The following FMN2 variants were observed in gnomAD, a reference collection of about 807,000 sequenced individuals.
FMN2 encodes the protein formin 2.
Under a neutral mutation model 142.3 loss-of-function variants are expected in FMN2, and 51 were observed. The ratio of observed to expected loss-of-function variants is 0.36; its 90% CI spans 0.29 to 0.45. The LOEUF (loss-of-function observed/expected upper bound fraction) is 0.45, where lower values mean the gene tolerates loss of function less well. Among genes scored for constraint, FMN2 ranks in the 20% least tolerant of loss-of-function variants. The probability of loss-of-function intolerance (pLI) is 1.00; values close to 1 mark genes in which losing one functional copy is unlikely to be tolerated. For missense variants in FMN2, 1,936 were observed against 2,122.8 expected (o/e 0.91, Z 1.73); for synonymous variants, 882 against 869.8 (o/e 1.01, Z -0.25).
chr1:240,138,036 G>T lies in FMN2; in HGVS notation c.1782+14691G>T, dbSNP rs571378503. On this transcript the variant is annotated intron_variant, in intron 2 of 17. Transcript: ENST00000319653. Reference sequence around the variant, plus strand: ...GCTGAGATCACACCACTGCACTCCAGCCTGGGTGATAGAGCAAGACTCCAT... The same window carrying T: ...GCTGAGATCACACCACTGCACTCCATCCTGGGTGATAGAGCAAGACTCCAT... 3.2e-3 allele frequency among the ~76,000 whole-genome samples: 455 copies of T among 144,112 alleles called. 3 individuals carry two copies. The highest frequency in any genetic ancestry group is 0.012 in the African/African-American group (443 of 38,154). The allele number at this position is 144,112 out of a possible 152,430, so 94.5% of individuals were successfully genotyped here. A position where few individuals can be genotyped will look rare whatever the true frequency, so the allele number is the denominator to read the frequency against.
At chr1:240,212,227 T>C (rs1666717385) in intron 6 of FMN2, among the ~76,000 whole-genome samples, 2 of 152,192 alleles carry the variant, frequency 1.3e-5, no homozygotes. Flanking sequence ...TTTCCATTGA[T>C]ATTTATTTCA....
chr1:240,216,593 G>A (rs1364709795), intron 6 of FMN2, among the ~76,000 whole-genome samples: 1 of 152,106 alleles, frequency 6.6e-6, no homozygotes, highest in Non-Finnish European at 1.5e-5. Flanking sequence ...CTTATTATAA[G>A]GGCAGGTAAT....
chr1:240,241,080 T>A (rs180981159), intron 6 of FMN2, among the ~76,000 whole-genome samples: 1 of 152,306 alleles, frequency 6.6e-6, no homozygotes, highest in African/African-American at 2.4e-5. Context: ...AGCATTATAG[T>A]GCATGTTACT....
intron 13 of FMN2, among the ~76,000 whole-genome samples, chr1:240,349,352 T>TGA (rs1672017131): frequency 1.3e-5 from 2 of 152,234 alleles, no homozygotes; most frequent in East Asian, 3.9e-4. Context: ...GTATCTGTTA[T>TGA]GTGACTTCCT....
chr1:240,468,481 C>G (rs528881867), intron 16 of FMN2, among the ~76,000 whole-genome samples: 1 of 152,284 alleles, frequency 6.6e-6, no homozygotes, highest in East Asian at 1.9e-4. Context: ...CTCTGGTTTC[C>G]TCTCTCAGGA....
Position 240,114,028 on chromosome 1 carries a change from A to C in FMN2, c.1616-9151A>C, listed in dbSNP as rs190644951. The stretch of plus-strand genomic sequence containing the variant: ...GTGAAAGTGGAATATACACACTCAG[A>C]GAATTACAATGAATTCCCATGAATC... On this transcript the variant is annotated intron_variant, in intron 1 of 17. Coordinates refer to ENST00000319653, the MANE Select transcript of FMN2 (RefSeq NM_020066.5). 3.3e-3 allele frequency among the ~76,000 whole-genome samples: 498 copies of C among 152,344 alleles called. 2 individuals carry two copies. Among genetic ancestry groups the C allele is most frequent in the African/African-American group, 0.011 (478 of 41,584 alleles).
chr1:240,435,610 C>T (rs911018108), intron 15 of FMN2, among the ~76,000 whole-genome samples: 1 of 152,026 alleles, frequency 6.6e-6, no homozygotes, highest in Non-Finnish European at 1.5e-5. Flanking sequence ...TTCATTTTTA[C>T]CCATTGGACT....
chr1:240,156,262 C>T lies in FMN2; in HGVS notation c.1783-21659C>T, dbSNP rs148928390. Among the ~76,000 whole-genome samples the T allele has an allele frequency of 2.4e-3, 367 of 152,168 alleles. 1 individual carries two copies. The highest frequency in any genetic ancestry group is 6.8e-3 in the Middle Eastern group (2 of 294). ...AAGACCCTGTCAACAACAACAACAG[C>T]AAGAAGTATGTCATTGAAAACAGCC... On this transcript the variant is annotated intron_variant, in intron 2 of 17. Coordinates refer to ENST00000319653, the MANE Select transcript of FMN2 (RefSeq NM_020066.5).
At chr1:240,399,700 C>T (rs1050299059) in intron 15 of FMN2, among the ~76,000 whole-genome samples, 3 of 152,198 alleles carry the variant, frequency 2.0e-5, no homozygotes, top group African/African-American at 7.2e-5. Context: ...CCTTTCTCAA[C>T]ACTTCCTTAC....
Position 240,316,698 on chromosome 1 carries a change from G to A in FMN2, c.4216-12378G>A, listed in dbSNP as rs75831692. Among the ~76,000 whole-genome samples the A allele has an allele frequency of 3.6e-3, 555 of 152,238 alleles. 3 individuals are homozygous for A. The highest frequency in any genetic ancestry group is 0.013 in the African/African-American group (529 of 41,540). ...GATGAACAGATTTGGGGACAAAATA[G>A]AACGGATGATCAATGGCTCATTTTG... On this transcript the variant is annotated intron_variant, in intron 8 of 17. Coordinates refer to ENST00000319653, the MANE Select transcript of FMN2 (RefSeq NM_020066.5).
At chr1:240,235,416 G>GT (rs5782128) in intron 6 of FMN2, among the ~76,000 whole-genome samples, 40,460 of 147,084 alleles carry the variant, frequency 0.28, 5,786 homozygotes, top group African/African-American at 0.36. Flanking sequence ...TTAATTTTTT[G>GT]TTTTTTTTTT....
Position 240,093,665 on chromosome 1 carries a change from T to A in FMN2, c.1556T>A (p.Leu519Gln). The stretch of plus-strand genomic sequence containing the variant: ...AGCGGCGGTGGGGTGTCCCCAGCAC[T>A]GGCCGCCAAGGCGTCTGGGGCCCCC... Reference protein sequence around the residue: ...SDSGGGVSPALAAKASGAPAA... With the variant: ...SDSGGGVSPAQAAKASGAPAA... The change falls in exon 1 of 18, where the codon CTG becomes CAG. Residue 519 changes from leucine to glutamine, a missense_variant. By Grantham distance (113) the Leu-to-Gln change is moderately radical (BLOSUM62 -2). This residue lies in a region of FMN2 where 751 missense variants were observed against 791.8 expected (regional missense o/e 0.95). Transcript: ENST00000319653. 1 of 1,364,304 alleles carries A rather than the reference T, an allele frequency of 7.3e-7. No individual in the cohort carries two copies. Among genetic ancestry groups the A allele is most frequent in the Admixed American group, 3.4e-5 (1 of 29,828 alleles). 84.5% of individuals were successfully genotyped at this position (1,364,304 alleles called of 1,614,324 possible).
At chr1:240,126,951 T>A (rs2103226053) in intron 2 of FMN2, among the ~76,000 whole-genome samples, 2 of 152,088 alleles carry the variant, frequency 1.3e-5, no homozygotes, top group Middle Eastern at 3.4e-3. Context: ...GGGGAGCCTG[T>A]GAGATGAGGT....
chr1:240,299,586 A>G (rs1274246107), intron 8 of FMN2, among the ~76,000 whole-genome samples: 1 of 152,188 alleles, frequency 6.6e-6, no homozygotes, highest in African/African-American at 2.4e-5. Context: ...AATGGTTTAA[A>G]TTCAAACGGT....
At position 240,377,914 on chromosome 1, in the gene FMN2, G is replaced by A. The variant is rs115946980; in HGVS notation, c.4859-14597G>A. On this transcript the variant is annotated intron_variant, in intron 14 of 17. Transcript: ENST00000319653. Reference sequence around the variant, plus strand: ...CATGTAATATAACATATTCATAGCTGGGGATTGGGACATGGACATTTTTAG... The same window carrying A: ...CATGTAATATAACATATTCATAGCTAGGGATTGGGACATGGACATTTTTAG... Among the ~76,000 whole-genome samples the A allele has an allele frequency of 6.4e-3, 966 of 151,796 alleles. 18 individuals carry two copies. Among genetic ancestry groups the A allele is most frequent in the African/African-American group, 0.022 (913 of 41,398 alleles).
chr1:240,092,327 C>T lies in FMN2; in HGVS notation c.218C>T (p.Ser73Leu), dbSNP rs1432513429. The T allele has an allele frequency of 6.2e-7, 1 of 1,607,430 alleles. No individual in the cohort carries two copies. Among genetic ancestry groups the T allele is most frequent in the Non-Finnish European group, 8.5e-7 (1 of 1,176,256 alleles). The part of the protein sequence containing the change: ...KKKSKSDSRA[S>L]VFSNLRIRKN... ...AAGAGCAAGTCCGACTCCAGAGCCT[C>T]GGTGTTTTCCAACCTGCGGATCAGG... The change falls in exon 1 of 18, where the codon TCG (serine) becomes TTG (leucine). Residue 73 changes from serine to leucine, a missense_variant. Transcript: ENST00000319653.
chr1:240,185,018 T>C (rs1380815165), intron 3 of FMN2, among the ~76,000 whole-genome samples: 16 of 148,678 alleles, frequency 1.1e-4, no homozygotes, highest in African/African-American at 4.1e-4. Flanking sequence ...CTTCTCTTTC[T>C]CCCTCCTATA....
At chr1:240,313,287 C>A (rs1670655368) in intron 8 of FMN2, among the ~76,000 whole-genome samples, 1 of 152,172 alleles carries the variant, frequency 6.6e-6, no homozygotes, top group Non-Finnish European at 1.5e-5. Flanking sequence ...AACAAATATG[C>A]ATAACGCCCT....
intron 2 of FMN2, among the ~76,000 whole-genome samples, chr1:240,148,836 G>A (rs1171255251): frequency 6.6e-6 from 1 of 152,058 alleles, no homozygotes; most frequent in Non-Finnish European, 1.5e-5. Flanking sequence ...GCCGGGCATG[G>A]TGACGAGTGC....
Sources: allele counts gnomAD v4.1 joint callset (sites outside exome capture counted in the v4.1 genomes callset), GRCh38; gene constraint gnomAD v4.1.1; regional missense constraint gnomAD v4.1.1; transcripts MANE v1.5; gene names NCBI Gene and HGNC (gene_info 2026-07-23, HGNC 2026-07-21).